VPS53: variants seen among roughly 807,000 people sequenced by gnomAD.
The protein encoded by VPS53 is VPS53 subunit of GARP complex.
In VPS53, 70 loss-of-function variants were observed where a neutral mutation model predicts 107.0. The ratio of observed to expected loss-of-function variants is 0.65; its 90% CI spans 0.54 to 0.80. The LOEUF (loss-of-function observed/expected upper bound fraction) is 0.80. VPS53 is among the 30% of genes least tolerant of loss of function. The probability of loss-of-function intolerance (pLI) is 0.00; values close to 1 mark genes in which losing one functional copy is unlikely to be tolerated. For missense variants in VPS53, 917 were observed against 1,049.4 expected (o/e 0.87, Z 1.74); for synonymous variants, 409 against 393.3 (o/e 1.04, Z -0.47).
chr17:696,627 A>G (rs967446912), intron 4 of VPS53, among the ~76,000 whole-genome samples: 1 of 152,004 alleles, frequency 6.6e-6, no homozygotes, highest in Non-Finnish European at 1.5e-5. Context: ...ATAAAAAGGG[A>G]AATGGTTCAC....
At chr17:659,523 C>T (rs898253692) in intron 5 of VPS53, among the ~76,000 whole-genome samples, 4 of 152,108 alleles carry the variant, frequency 2.6e-5, no homozygotes, top group African/African-American at 7.2e-5. Context: ...TCAAGTGATC[C>T]CCCCTCCTTG....
intron 11 of VPS53, among the ~76,000 whole-genome samples, chr17:611,114 A>G (rs1171260571): frequency 6.6e-6 from 1 of 151,200 alleles, no homozygotes; most frequent in Admixed American, 6.6e-5. Context: ...CCTGGGTTCA[A>G]GCGATTCTCC....
intron 11 of VPS53, chr17:616,186 T>C (rs756823620): frequency 3.3e-5 from 5 of 152,174 alleles, no homozygotes; most frequent in Non-Finnish European, 5.9e-5. Context: ...TTTTCAGGAT[T>C]TGGAATGCAG....
At chr17:621,178 A>G (rs1458734821) in intron 11 of VPS53, among the ~76,000 whole-genome samples, 1 of 152,082 alleles carries the variant, frequency 6.6e-6, no homozygotes, top group Non-Finnish European at 1.5e-5. Context: ...ACACACATAA[A>G]CATGCTTTTT....
At chr17:598,840 C>A in intron 12 of VPS53, among the ~76,000 whole-genome samples, 1 of 95,068 alleles carries the variant, frequency 1.1e-5, no homozygotes, top group Non-Finnish European at 2.2e-5. Context: ...AGCGTCTCCG[C>A]CCGGCAGCCA....
intron 13 of VPS53, among the ~76,000 whole-genome samples, chr17:582,627 T>A (rs970793766): frequency 7.1e-6 from 1 of 141,028 alleles, no homozygotes; most frequent in Admixed American, 7.3e-5. Context: ...CCAGAGAAAC[T>A]CCCTCAGACC....
At chr17:528,461 GTA>G (rs1456003158) in intron 19 of VPS53, among the ~76,000 whole-genome samples, 2 of 152,072 alleles carry the variant, frequency 1.3e-5, no homozygotes, top group African/African-American at 4.8e-5. Flanking sequence ...ATATTCCCTT[GTA>G]TGGATAGACC....
In VPS53 at chr17:521,726, T is replaced by C; in HGVS notation, c.2098A>G (p.Thr700Ala). The change falls in exon 20 of 22, where the codon ACC becomes GCC. Residue 700 changes from threonine (T) to alanine (A), a missense_variant. Coordinates refer to ENST00000437048, the MANE Select transcript of VPS53 (RefSeq NM_001128159.3). ...MVGAEQLLLDTHSLKMVLLDL... is the reference protein window; with the variant it reads ...MVGAEQLLLDAHSLKMVLLDL... ...AGCAGGACCATCTTCAGCGAGTGGG[T>C]GTCCAGCAGCAGCTGTGGAGCAAAG... 6.5e-7 allele frequency: 1 copy of C among 1,544,654 alleles called. No individual in the cohort carries two copies. Among genetic ancestry groups the C allele is most frequent in the Middle Eastern group, 1.7e-4 (1 of 5,966 alleles).
intron 18 of VPS53, among the ~76,000 whole-genome samples, chr17:534,068 G>A (rs1909820389): frequency 6.6e-6 from 1 of 152,140 alleles, no homozygotes; most frequent in Non-Finnish European, 1.5e-5. Flanking sequence ...TCGAACTCCT[G>A]GCCTCAAGTG....
chr17:708,427 T>C (rs1309736391), intron 2 of VPS53, among the ~76,000 whole-genome samples: 2 of 152,218 alleles, frequency 1.3e-5, no homozygotes, highest in African/African-American at 4.8e-5. Flanking sequence ...CTTTCACTAA[T>C]TCTGCTACTG....
At chr17:621,314 A>G (rs1969458791) in intron 11 of VPS53, among the ~76,000 whole-genome samples, 2 of 152,230 alleles carry the variant, frequency 1.3e-5, no homozygotes, top group South Asian at 4.1e-4. Flanking sequence ...GATGCACTGT[A>G]ATTTATTTAA....
intron 17 of VPS53, among the ~76,000 whole-genome samples, chr17:550,569 T>C (rs1008285234): frequency 6.6e-6 from 1 of 152,228 alleles, no homozygotes; most frequent in Non-Finnish European, 1.5e-5. Flanking sequence ...TCCCAGGCTC[T>C]AGTTTGCCAA....
intron 13 of VPS53, among the ~76,000 whole-genome samples, chr17:582,569 G>C (rs1567647950): frequency 6.8e-6 from 1 of 148,068 alleles, no homozygotes; most frequent in Non-Finnish European, 1.5e-5. Flanking sequence ...ACCTCCTTCA[G>C]ACGCTAATGT....
intron 8 of VPS53, among the ~76,000 whole-genome samples, chr17:628,572 G>A (rs1969815122): frequency 6.6e-6 from 1 of 152,220 alleles, no homozygotes; most frequent in African/African-American, 2.4e-5. Flanking sequence ...GATGTCGCAA[G>A]ATGCTGCTGA....
Position 710,630 on chromosome 17 carries a change from G to C in VPS53, c.88-17C>G. 6.4e-7 allele frequency: 1 copy of C among 1,564,946 alleles called. No homozygotes were observed. The highest frequency in any genetic ancestry group is 8.8e-7 in the Non-Finnish European group (1 of 1,138,516). ...TGGAAACACCTATATAGAAAGAGAG[G>C]AGTATATATAAAAACATGTAGTATA... On this transcript the variant is annotated splice_polypyrimidine_tract_variant and intron_variant, in intron 1 of 21. Coordinates refer to ENST00000437048, the MANE Select transcript of VPS53 (RefSeq NM_001128159.3).
chr17:697,414 T>C lies in VPS53; in HGVS notation c.285+4A>G, dbSNP rs1973012602. 1.2e-6 allele frequency: 2 copies of C among 1,613,136 alleles called. No homozygotes were observed. ...TAGGTAATATGGAGGAATGAGTTAC[T>C]TACTTGCCGTCCATCCTGCCCCACG... On this transcript the variant is annotated splice_donor_region_variant and intron_variant, in intron 4 of 21. Transcript: ENST00000437048.
At chr17:696,791 CT>C (rs67948585) in intron 4 of VPS53, among the ~76,000 whole-genome samples, 55 of 113,776 alleles carry the variant, frequency 4.8e-4, no homozygotes, top group African/African-American at 1.0e-3. Flanking sequence ...ACTTATAAAA[CT>C]TTTTTTTTTT....
intron 4 of VPS53, among the ~76,000 whole-genome samples, chr17:694,720 T>C (rs1281087496): frequency 6.6e-6 from 1 of 152,184 alleles, no homozygotes; most frequent in African/African-American, 2.4e-5. Flanking sequence ...TAATAAACAA[T>C]CTTAGACAGA....
intron 14 of VPS53, 97 bp downstream of exon 14, chr17:562,406 C>T: frequency 6.5e-7 from 1 of 1,541,832 alleles, no homozygotes; most frequent in Non-Finnish European, 8.8e-7. Context: ...CCTTGATACT[C>T]TTGGTGGTTT....
Sources: allele counts gnomAD v4.1 joint callset (sites outside exome capture counted in the v4.1 genomes callset), GRCh38; gene constraint gnomAD v4.1.1; transcripts MANE v1.5; gene names NCBI Gene and HGNC (gene_info 2026-07-23, HGNC 2026-07-21).